The following MAP3K5 variants were observed in gnomAD, a reference collection of about 807,000 sequenced individuals.
MAP3K5 encodes ASK-1.
MAP3K5 carries 56 observed loss-of-function variants against 158.7 expected under a neutral mutation model. That is an observed-to-expected ratio of 0.35 (90% CI 0.28 to 0.44). The LOEUF (loss-of-function observed/expected upper bound fraction) is 0.44, where lower values mean the gene tolerates loss of function less well. MAP3K5 is among the 20% of genes least tolerant of loss of function. The pLI is 1.00. For synonymous variants in MAP3K5, 579 were observed against 601.7 expected, an observed-to-expected ratio of 0.96 and a Z score of 0.55; for missense variants, 1,294 against 1,674.8, an observed-to-expected ratio of 0.77 and a Z score of 3.97.
At position 136,601,164 on chromosome 6, in the gene MAP3K5, C is replaced by T. The variant is rs183807867; in HGVS notation, c.2858-122G>A. 9.9e-5 allele frequency: 82 copies of T among 826,352 alleles called. No homozygotes were observed. The African/African-American group carries it at 1.1e-3, about 11-fold the overall frequency. 51.2% of individuals were successfully genotyped at this position (826,352 alleles called of 1,614,324 possible). ...ATGTCCTTTCCAAACATTCAATCTG[C>T]CCATTCTCCTCCAATATAAACATCA... On this transcript the variant is annotated intron_variant, in intron 20 of 29. Coordinates refer to ENST00000359015, the MANE Select transcript of MAP3K5 (RefSeq NM_005923.4).
intron 1 of MAP3K5, among the ~76,000 whole-genome samples, chr6:136,768,473 G>A (rs1784049026): frequency 6.6e-6 from 1 of 152,176 alleles, no homozygotes; most frequent in Non-Finnish European, 1.5e-5. Context: ...TTAGGTAAAT[G>A]CAAATCAAAA....
rs116213380 is a variant in MAP3K5 at position 136,733,846 on chromosome 6, T to G, written c.449-13257A>C. ...TTACATTAGGGTTCACTCTTGATGC[T>G]GTACATTCTTTGGGTTTAGATAAAT... On this transcript the variant is annotated intron_variant, in intron 1 of 29. Transcript: ENST00000359015. Among the ~76,000 whole-genome samples the G allele has an allele frequency of 5.3e-3, 809 of 152,260 alleles. 10 individuals are homozygous for G. Among genetic ancestry groups the G allele is most frequent in the African/African-American group, 0.018 (752 of 41,544 alleles).
intron 1 of MAP3K5, among the ~76,000 whole-genome samples, chr6:136,790,532 G>C (rs1377214165): frequency 6.6e-6 from 1 of 152,196 alleles, no homozygotes; most frequent in Non-Finnish European, 1.5e-5. Context: ...GAACGAGAAA[G>C]TCCTAGTTTA....
intron 1 of MAP3K5, among the ~76,000 whole-genome samples, chr6:136,722,333 A>C (rs1286832008): frequency 6.6e-6 from 1 of 152,232 alleles, no homozygotes; most frequent in Non-Finnish European, 1.5e-5. Flanking sequence ...AAAAGAAGAT[A>C]ATTTCTTAAA....
At chr6:136,701,085 G>A (rs1780834650) in intron 3 of MAP3K5, among the ~76,000 whole-genome samples, 1 of 152,208 alleles carries the variant, frequency 6.6e-6, no homozygotes, top group African/African-American at 2.4e-5. Context: ...TGAGGAGACA[G>A]GTAAGGCTTA....
intron 15 of MAP3K5, among the ~76,000 whole-genome samples, chr6:136,619,255 G>A (rs1237915132): frequency 6.6e-6 from 1 of 152,120 alleles, no homozygotes; most frequent in African/African-American, 2.4e-5. Context: ...GTTGATCTTG[G>A]TATGCCCGAT....
At chr6:136,759,637 A>T (rs1368193473) in intron 1 of MAP3K5, among the ~76,000 whole-genome samples, 2 of 150,818 alleles carry the variant, frequency 1.3e-5, no homozygotes, top group East Asian at 1.9e-4. Context: ...CATCCAGCTA[A>T]TTTTTTCTAT....
intron 1 of MAP3K5, among the ~76,000 whole-genome samples, chr6:136,763,209 G>A (rs1170073190): frequency 1.3e-5 from 2 of 152,124 alleles, no homozygotes; most frequent in African/African-American, 4.8e-5. Flanking sequence ...GCCCAGGCTG[G>A]TCTCAAACTC....
chr6:136,756,931 A>G (rs578050025), intron 1 of MAP3K5, among the ~76,000 whole-genome samples: 1 of 152,338 alleles, frequency 6.6e-6, no homozygotes, highest in Non-Finnish European at 1.5e-5. Flanking sequence ...TCAAGTGTGC[A>G]TAGGCTTTCT....
At chr6:136,623,858 T>TTA (rs1258460022) in intron 14 of MAP3K5, among the ~76,000 whole-genome samples, 2 of 152,186 alleles carry the variant, frequency 1.3e-5, no homozygotes, top group African/African-American at 4.8e-5. Flanking sequence ...CAGTCCATAG[T>TTA]TAGATTCACC....
intron 1 of MAP3K5, among the ~76,000 whole-genome samples, chr6:136,781,937 C>T (rs1239759121): frequency 2.6e-5 from 4 of 151,866 alleles, no homozygotes; most frequent in South Asian, 2.1e-4. Flanking sequence ...TTGACATGGC[C>T]GGGCATGTTG....
At chr6:136,572,571 T>C (rs536346708) in intron 25 of MAP3K5, among the ~76,000 whole-genome samples, 8 of 152,364 alleles carry the variant, frequency 5.3e-5, no homozygotes, top group Admixed American at 1.3e-4. Context: ...ACTGAAAGGT[T>C]TGTAGTCCTG....
intron 26 of MAP3K5, 47 bp from the exon 27 acceptor site, chr6:136,562,662 C>A (rs1248592775): frequency 3.0e-6 from 3 of 991,642 alleles, no homozygotes; most frequent in Non-Finnish European, 4.5e-6. Context: ...CACAGGGTGA[C>A]CTTCTTTTTT....
At chr6:136,615,512 A>G (rs554514836) in intron 15 of MAP3K5, among the ~76,000 whole-genome samples, 1 of 152,126 alleles carries the variant, frequency 6.6e-6, no homozygotes, top group South Asian at 2.1e-4. Context: ...GATTTTTCAG[A>G]AGGTCAGATC....
intron 2 of MAP3K5, among the ~76,000 whole-genome samples, chr6:136,713,394 G>T (rs1048100646): frequency 2.6e-5 from 4 of 152,150 alleles, no homozygotes; most frequent in Non-Finnish European, 4.4e-5. Flanking sequence ...GAAAGCAAGG[G>T]CATATTTTAC....
At chr6:136,716,473 AG>A (rs1399908973) in intron 2 of MAP3K5, among the ~76,000 whole-genome samples, 10 of 152,194 alleles carry the variant, frequency 6.6e-5, no homozygotes, top group Non-Finnish European at 1.5e-4. Flanking sequence ...AGTGGAGGAA[AG>A]GATCACAAGA....
At chr6:136,668,216 TA>T (rs944008854) in intron 8 of MAP3K5, among the ~76,000 whole-genome samples, 29 of 151,878 alleles carry the variant, frequency 1.9e-4, no homozygotes, top group South Asian at 1.5e-3. Context: ...CACGTCTTTA[TA>T]AAAAAAAATT....
At chr6:136,696,236 T>G (rs916013920) in intron 5 of MAP3K5, among the ~76,000 whole-genome samples, 179 bp from the exon 6 acceptor site, 1 of 152,170 alleles carries the variant, frequency 6.6e-6, no homozygotes, top group Admixed American at 6.5e-5. Flanking sequence ...TTCTAAAAGG[T>G]TTAGATCGTA....
chr6:136,740,800 G>A (rs774181444), intron 1 of MAP3K5, among the ~76,000 whole-genome samples: 4 of 152,140 alleles, frequency 2.6e-5, no homozygotes, highest in Admixed American at 6.5e-5. Flanking sequence ...CTTTGTGCCT[G>A]TCATCATAAA....
Sources: gnomAD v4.1 joint callset for allele counts (sites outside exome capture counted in the v4.1 genomes callset) on GRCh38, gnomAD v4.1.1 for gene constraint, MANE v1.5 for transcripts, NCBI Gene and HGNC (gene_info 2026-07-23, HGNC 2026-07-21) for gene names.